The following ZNF285 variants were observed in gnomAD, a reference collection of about 807,000 sequenced individuals.
The protein encoded by ZNF285 is zinc finger protein 285A.
Under a neutral mutation model 6.2 loss-of-function variants are expected in ZNF285, and 4 were observed. That is an observed-to-expected ratio of 0.65 (90% CI 0.32 to 1.49). ZNF285 has a LOEUF of 1.49. ZNF285 is among the 40% of genes most tolerant of loss of function. The pLI, the probability that ZNF285 is intolerant of heterozygous loss-of-function variation, is 0.07. For missense variants in ZNF285, 695 were observed against 708.8 expected (o/e 0.98, Z 0.22); for synonymous variants, 240 against 245.8 (o/e 0.98, Z 0.22).
chr19:44,392,675 C>T (rs1971217713), intron 2 of ZNF285: 4 of 911,424 alleles, frequency 4.4e-6, no homozygotes, highest in Non-Finnish European at 6.9e-6. Context: ...GACAGCTCTG[C>T]TCTCACTGTG....
intron 2 of ZNF285, 155 bp downstream of exon 2, chr19:44,397,044 A>G: frequency 9.4e-7 from 1 of 1,061,222 alleles, no homozygotes; most frequent in Non-Finnish European, 1.4e-6. Context: ...CTATAAAGGG[A>G]GTCAAACCAC....
chr19:44,401,553 A>G lies in ZNF285; in HGVS notation c.-44+15T>C, dbSNP rs1320605801. 6.6e-6 allele frequency: 1 copy of G among 152,342 alleles called. No homozygotes were observed. The highest frequency in any genetic ancestry group is 1.9e-4 in the East Asian group (1 of 5,196). 9.4% of individuals were successfully genotyped at this position (152,342 alleles called of 1,614,324 possible). A position where few individuals can be genotyped will look rare whatever the true frequency, so the allele number is the denominator to read the frequency against. ...GCTACGCCTCCAAGAGGGGCGCGGT[A>G]CAGACGGGACTCACCCCAGCGTCCC... On this transcript the variant is annotated intron_variant, in intron 1 of 3. Transcript: ENST00000614994.
intron 2 of ZNF285, chr19:44,396,634 A>T (rs1971284206): frequency 6.5e-6 from 1 of 152,990 alleles, no homozygotes; most frequent in Admixed American, 6.5e-5. Flanking sequence ...TGTGTCCAAG[A>T]GTTCCAGCCC....
At chr19:44,397,336 G>A in intron 1 of ZNF285, 80 bp from the exon 2 acceptor site, 2 of 1,528,134 alleles carry the variant, frequency 1.3e-6, no homozygotes, top group South Asian at 2.3e-5. Context: ...ATCTGTACAA[G>A]TTTCTCACAA....
chr19:44,397,111 A>G lies in ZNF285; in HGVS notation c.15+88T>C, dbSNP rs1436089642. 5.6e-6 allele frequency: 9 copies of G among 1,599,658 alleles called. No homozygotes were observed. The South Asian group carries it at 8.9e-5, about 16-fold the overall frequency. ...GTACCTAATACATAGTAGTCACTCA[A>G]AAAATGCTGACCTCCTTTCAGAAAA... On this transcript the variant is annotated intron_variant, in intron 2 of 3. Transcript: ENST00000614994.
rs151111866 is a variant in ZNF285 at position 44,387,243 on chromosome 19, A to C, written c.1002T>G (p.His334Gln). Residue 334 changes from histidine to glutamine, a missense_variant, in exon 4 of 4, where the codon CAT becomes CAG. Coordinates refer to ENST00000614994, the MANE Select transcript of ZNF285 (RefSeq NM_152354.6). ...GCATCTCCCCTGTGTGGACTCGATG[A>C]TGGTTGTGAAGGGAAGAGCTGCGCC... ...GFRRSSSLHN[H>Q]HRVHTGEMPY... is the part of the protein sequence containing the mutation. 5 of 1,614,050 alleles carry C rather than the reference A, an allele frequency of 3.1e-6. No individual in the cohort carries two copies. The highest frequency in any genetic ancestry group is 3.4e-6 in the Non-Finnish European group (4 of 1,179,992).
rs916927527 is a variant in ZNF285 at position 44,384,264 on chromosome 19, A to C, written c.*2208T>G. The stretch of plus-strand genomic sequence containing the variant: ...TTGTTTACAGTCTTCTCATTGCAAA[A>C]TTCTTAGAACATATTTCTTTCTGAA... On this transcript the variant is annotated 3_prime_UTR_variant, in exon 4 of 4. Coordinates refer to ENST00000614994, the MANE Select transcript of ZNF285 (RefSeq NM_152354.6). 2.0e-5 allele frequency: 3 copies of C among 152,196 alleles called. No homozygotes were observed. The highest frequency in any genetic ancestry group is 6.5e-5 in the Admixed American group (1 of 15,280). The allele number at this position is 152,196 out of a possible 1,614,324, so 9.4% of individuals were successfully genotyped here.
intron 3 of ZNF285, 28 bp from the exon 4 acceptor site, chr19:44,388,130 G>C: frequency 1.3e-6 from 2 of 1,592,998 alleles, no homozygotes; most frequent in African/African-American, 1.3e-5. Context: ...ATTTGGCTAA[G>C]AGAACAAGTC....
chr19:44,396,968 C>G lies in ZNF285; in HGVS notation c.15+231G>C, dbSNP rs1176194822. 5 of 582,702 alleles carry G rather than the reference C, an allele frequency of 8.6e-6. No homozygotes were observed. The East Asian group carries it at 1.2e-4, about 13-fold the overall frequency. The allele number at this position is 582,702 out of a possible 1,614,324, so 36.1% of individuals were successfully genotyped here. A position where few individuals can be genotyped will look rare whatever the true frequency, so the allele number is the denominator to read the frequency against. The stretch of plus-strand genomic sequence containing the variant: ...AGCAGTTCATGGACTGGTACTGATA[C>G]ATGAACTACACTTAGAGTAGCACCA... On this transcript the variant is annotated intron_variant, in intron 2 of 3. Coordinates refer to ENST00000614994, the MANE Select transcript of ZNF285 (RefSeq NM_152354.6).
chr19:44,397,555 A>G (rs1175499241), intron 1 of ZNF285, among the ~76,000 whole-genome samples: 2 of 152,100 alleles, frequency 1.3e-5, no homozygotes, highest in Non-Finnish European at 2.9e-5. Flanking sequence ...CATCTCAATT[A>G]TGCTGGAAAA....
intron 1 of ZNF285, among the ~76,000 whole-genome samples, chr19:44,399,574 G>T (rs1334394902): frequency 6.6e-6 from 1 of 151,616 alleles, no homozygotes; most frequent in African/African-American, 2.4e-5. Flanking sequence ...TCCAGTACCT[G>T]TTCTCACTGA....
In ZNF285 at chr19:44,387,343, G is replaced by C. The variant is rs1280356035; in HGVS notation, c.902C>G (p.Ser301Ter). The C allele has an allele frequency of 1.2e-6, 2 of 1,614,216 alleles. No individual in the cohort carries two copies. The highest frequency in any genetic ancestry group is 1.6e-4 in the Middle Eastern group (1 of 6,062). Residue 301 changes from serine (S) to a stop codon, truncating the protein, a stop_gained, in exon 4 of 4, where the codon TCA becomes TGA. Transcript: ENST00000614994. LOFTEE classifies it low-confidence loss of function (END_TRUNC). ...GACTTTCTGATATCTGGGAAGGTCT[G>C]AGCTCTGTTTGCAGCCCATAGGCCA... The part of the protein sequence containing the change: ...HEWPMGCKQS[S>*]DLPRYQKVSS...
At chr19:44,391,939 C>A (rs1326262969) in intron 3 of ZNF285, among the ~76,000 whole-genome samples, 1 of 152,082 alleles carries the variant, frequency 6.6e-6, no homozygotes, top group Non-Finnish European at 1.5e-5. Context: ...TCCTTTAACA[C>A]CGGTTTATCC....
rs773023493 is a variant in ZNF285, at chr19:44,387,334, G to T, written c.911C>A (p.Pro304His). Residue 304 changes from proline (P) to histidine (H), a missense_variant, in exon 4 of 4, where the codon CCC (proline) becomes CAC (histidine). Pro to His is a moderately conservative substitution (Grantham distance 77). Coordinates refer to ENST00000614994, the MANE Select transcript of ZNF285 (RefSeq NM_152354.6). ...PMGCKQSSDLPRYQKVSSGDK... is the reference protein window; with the variant it reads ...PMGCKQSSDLHRYQKVSSGDK... ...TCCTGAGGAGACTTTCTGATATCTGGGAAGGTCTGAGCTCTGTTTGCAGCC... is the reference window on the plus strand; with the variant it reads ...TCCTGAGGAGACTTTCTGATATCTGTGAAGGTCTGAGCTCTGTTTGCAGCC... 6.2e-7 allele frequency: 1 copy of T among 1,614,164 alleles called. No homozygotes were observed. The highest frequency in any genetic ancestry group is 1.1e-5 in the South Asian group (1 of 91,090).
chr19:44,387,346 C>T lies in ZNF285; in HGVS notation c.899G>A (p.Ser300Asn), dbSNP rs1472026577. 5 of 1,614,064 alleles carry T rather than the reference C, an allele frequency of 3.1e-6. No homozygotes were observed. The African/African-American group carries it at 4.0e-5, about 13-fold the overall frequency. Residue 300 changes from serine to asparagine, a missense_variant, in exon 4 of 4, where the codon AGC (serine) becomes AAC (asparagine). Coordinates refer to ENST00000614994, the MANE Select transcript of ZNF285 (RefSeq NM_152354.6). Reference sequence around the variant, plus strand: ...TTTCTGATATCTGGGAAGGTCTGAGCTCTGTTTGCAGCCCATAGGCCATTC... The same window carrying T: ...TTTCTGATATCTGGGAAGGTCTGAGTTCTGTTTGCAGCCCATAGGCCATTC... ...FHEWPMGCKQ[S>N]SDLPRYQKVS...
At position 44,386,972 on chromosome 19, in the gene ZNF285, C is replaced by G; in HGVS notation, c.1273G>C (p.Glu425Gln). 6.2e-7 allele frequency: 1 copy of G among 1,614,094 alleles called. No homozygotes were observed. Among genetic ancestry groups the G allele is most frequent in the Non-Finnish European group, 8.5e-7 (1 of 1,180,026 alleles). The change falls in exon 4 of 4, where the codon GAG (glutamate) becomes CAG (glutamine). Residue 425 changes from glutamate (E) to glutamine (Q), a missense_variant. Transcript: ENST00000614994. ...CACTCACCACACCTATATGGTTTCTCCCCTGTGTGAAACCTCCAGTGGACT... is the reference window on the plus strand; with the variant it reads ...CACTCACCACACCTATATGGTTTCTGCCCTGTGTGAAACCTCCAGTGGACT... ...LQVHWRFHTG[E>Q]KPYRCGECGK...
chr19:44,392,847 A>C (rs2123277467), intron 2 of ZNF285, among the ~76,000 whole-genome samples: 1 of 152,322 alleles, frequency 6.6e-6, no homozygotes, highest in East Asian at 1.9e-4. Flanking sequence ...TGTTGTGCTG[A>C]TACACAAGTC....
rs770502344 is a variant in ZNF285 at position 44,386,585 on chromosome 19, A to G, written c.1660T>C (p.Tyr554His). ...ACGKGFSRNS[Y>H]LLAHQRVHID... Reference sequence around the variant, plus strand: ...TGCACTCTCTGATGGGCAAGGAGGTATGAATTACGACTGAAGCCCTTACCA... The same window carrying G: ...TGCACTCTCTGATGGGCAAGGAGGTGTGAATTACGACTGAAGCCCTTACCA... Residue 554 changes from tyrosine to histidine, a missense_variant, in exon 4 of 4, where the codon TAC becomes CAC. By Grantham distance (83) the Tyr-to-His change is moderately conservative. Transcript: ENST00000614994. 6.3e-5 allele frequency: 101 copies of G among 1,614,060 alleles called. No individual in the cohort carries two copies. The highest frequency in any genetic ancestry group is 8.3e-5 in the Admixed American group (5 of 59,988).
chr19:44,386,913 G>T lies in ZNF285; in HGVS notation c.1332C>A (p.His444Gln), dbSNP rs754482521. The T allele has an allele frequency of 1.2e-6, 2 of 1,614,086 alleles. No individual in the cohort carries two copies. The highest frequency in any genetic ancestry group is 1.7e-5 in the Admixed American group (1 of 60,002). Residue 444 changes from histidine to glutamine, a missense_variant, in exon 4 of 4, where the codon CAC (histidine) becomes CAA (glutamine). Coordinates refer to ENST00000614994, the MANE Select transcript of ZNF285 (RefSeq NM_152354.6). ...CCCCTGTGTGGACTCTCTGGTGAAT[G>T]TGAAGGTGTGTACATTGGCTGAAGC... ...GKGFSQCTHL[H>Q]IHQRVHTGEK...
Sources: allele counts gnomAD v4.1 joint callset (sites outside exome capture counted in the v4.1 genomes callset), GRCh38; gene constraint gnomAD v4.1.1; transcripts MANE v1.5; gene names NCBI Gene and HGNC (gene_info 2026-07-23, HGNC 2026-07-21).